The following NUBPL variants were observed in gnomAD, a reference collection of about 807,000 sequenced individuals.
NUBPL encodes the protein NUBP iron-sulfur cluster assembly factor, mitochondrial.
In NUBPL, 31 loss-of-function variants were observed where a neutral mutation model predicts 45.7. That is an observed-to-expected ratio of 0.68 (90% CI 0.51 to 0.92). The LOEUF (loss-of-function observed/expected upper bound fraction) is 0.92. NUBPL is among the 40% of genes least tolerant of loss of function. The pLI, the probability that NUBPL is intolerant of heterozygous loss-of-function variation, is 0.00. For missense variants in NUBPL, 401 were observed against 398.7 expected (o/e 1.01, Z -0.05); for synonymous variants, 144 against 140.9 (o/e 1.02, Z -0.15).
chr14:31,840,896 C>G (rs2040360635), intron 8 of NUBPL, among the ~76,000 whole-genome samples: 2 of 152,194 alleles, frequency 1.3e-5, no homozygotes, highest in African/African-American at 2.4e-5. Flanking sequence ...AATTATAACA[C>G]TATAGATTAG....
intron 4 of NUBPL, among the ~76,000 whole-genome samples, chr14:31,624,980 A>G (rs1452088137): frequency 1.3e-5 from 2 of 152,220 alleles, no homozygotes; most frequent in African/African-American, 4.8e-5. Context: ...ACAACAAATT[A>G]TTATCCAGTC....
At chr14:31,801,396 T>C (rs1168828263) in intron 7 of NUBPL, among the ~76,000 whole-genome samples, 3 of 152,096 alleles carry the variant, frequency 2.0e-5, no homozygotes, top group African/African-American at 7.2e-5. Flanking sequence ...TAACACAACA[T>C]TGCTCCTTCA....
intron 7 of NUBPL, among the ~76,000 whole-genome samples, chr14:31,824,714 T>C (rs1016040122): frequency 2.0e-5 from 3 of 152,166 alleles, no homozygotes; most frequent in Admixed American, 1.3e-4. Context: ...CTTCAGGCAA[T>C]ACTGTCTAGT....
chr14:31,612,961 G>A (rs1027980434), intron 4 of NUBPL, among the ~76,000 whole-genome samples: 2 of 152,038 alleles, frequency 1.3e-5, no homozygotes, highest in African/African-American at 4.8e-5. Flanking sequence ...CAAAAGGAAG[G>A]AAATCAGTAT....
At chr14:31,829,027 G>A (rs2040148750) in intron 8 of NUBPL, among the ~76,000 whole-genome samples, 1 of 152,132 alleles carries the variant, frequency 6.6e-6, no homozygotes, top group African/African-American at 2.4e-5. Context: ...ACTACTTCAG[G>A]GATCAGTTAG....
chr14:31,682,265 T>C (rs2036852423), intron 6 of NUBPL, among the ~76,000 whole-genome samples: 1 of 152,198 alleles, frequency 6.6e-6, no homozygotes, highest in African/African-American at 2.4e-5. Context: ...TTTGTTGTTA[T>C]GAAATACTCC....
chr14:31,766,717 C>T (rs1287317434), intron 6 of NUBPL, among the ~76,000 whole-genome samples: 1 of 152,148 alleles, frequency 6.6e-6, no homozygotes, highest in Non-Finnish European at 1.5e-5. Context: ...ACCCCAAAAG[C>T]CAGTGAGATC....
intron 3 of NUBPL, among the ~76,000 whole-genome samples, chr14:31,586,600 T>C (rs1366018569): frequency 6.6e-6 from 1 of 152,182 alleles, no homozygotes; most frequent in Non-Finnish European, 1.5e-5. Context: ...AGAAAAAGAA[T>C]GTGTTCCCTT....
At chr14:31,688,933 G>T (rs2037029746) in intron 6 of NUBPL, among the ~76,000 whole-genome samples, 1 of 151,774 alleles carries the variant, frequency 6.6e-6, no homozygotes, top group Non-Finnish European at 1.5e-5. Context: ...TTCTGTTCCG[G>T]CATTAGGTTG....
intron 6 of NUBPL, among the ~76,000 whole-genome samples, chr14:31,750,487 G>A (rs543631292): frequency 8.7e-4 from 132 of 151,404 alleles, no homozygotes; most frequent in African/African-American, 2.7e-3. Context: ...GTGAGCCACC[G>A]CGCCTGGCCA....
chr14:31,850,332 C>G (rs1343659565), intron 10 of NUBPL, 131 bp downstream of exon 10: 1 of 748,408 alleles, frequency 1.3e-6, no homozygotes, highest in Non-Finnish European at 2.3e-6. Context: ...TTTAACTTGT[C>G]CAAAGCATCT....
chr14:31,810,759 T>G (rs868049361), intron 7 of NUBPL, among the ~76,000 whole-genome samples: 2 of 152,370 alleles, frequency 1.3e-5, no homozygotes, highest in East Asian at 3.9e-4. Context: ...CTGGTACTTA[T>G]TGTTCCTTTC....
At chr14:31,722,711 T>C (rs745372635) in intron 6 of NUBPL, among the ~76,000 whole-genome samples, 2 of 152,258 alleles carry the variant, frequency 1.3e-5, no homozygotes, top group Non-Finnish European at 2.9e-5. Flanking sequence ...TGTTTTCATA[T>C]GTTTGTTGGC....
intron 6 of NUBPL, chr14:31,714,875 G>A (rs1038891627): frequency 6.6e-6 from 1 of 152,174 alleles, no homozygotes; most frequent in African/African-American, 2.4e-5. Context: ...GTCATCTTAA[G>A]TTATGATGTA....
At chr14:31,662,545 C>T (rs2036298378) in intron 4 of NUBPL, among the ~76,000 whole-genome samples, 1 of 152,066 alleles carries the variant, frequency 6.6e-6, no homozygotes, top group African/African-American at 2.4e-5. Flanking sequence ...TGTTCAACTA[C>T]CACTTATGAT....
intron 6 of NUBPL, among the ~76,000 whole-genome samples, chr14:31,714,249 G>A (rs2037638299): frequency 6.6e-6 from 1 of 152,078 alleles, no homozygotes; most frequent in South Asian, 2.1e-4. Context: ...CTTGGCAGTG[G>A]TAGCCATTTT....
chr14:31,595,195 C>A (rs2034251446), intron 3 of NUBPL, among the ~76,000 whole-genome samples: 1 of 152,152 alleles, frequency 6.6e-6, no homozygotes, highest in Non-Finnish European at 1.5e-5. Flanking sequence ...AATAATTCTG[C>A]CACCTTTTAC....
At chr14:31,805,591 A>G (rs2039669982) in intron 7 of NUBPL, among the ~76,000 whole-genome samples, 1 of 152,184 alleles carries the variant, frequency 6.6e-6, no homozygotes, top group South Asian at 2.1e-4. Flanking sequence ...ATCCATAAAA[A>G]AAGAATGTTC....
chr14:31,834,347 A>G (rs1054832476), intron 8 of NUBPL, among the ~76,000 whole-genome samples: 2 of 151,800 alleles, frequency 1.3e-5, no homozygotes, highest in African/African-American at 4.8e-5. Flanking sequence ...TGCCTGGCTA[A>G]TTTTTGTACT....
Sources: gnomAD v4.1 joint callset for allele counts (sites outside exome capture counted in the v4.1 genomes callset) on GRCh38, gnomAD v4.1.1 for gene constraint, MANE v1.5 for transcripts, NCBI Gene and HGNC (gene_info 2026-07-23, HGNC 2026-07-21) for gene names.